URB1: variants seen among roughly 807,000 people sequenced by gnomAD.
URB1 encodes nucleolar pre-ribosomal-associated protein 1.
Under a neutral mutation model 242.3 loss-of-function variants are expected in URB1, and 197 were observed. The ratio of observed to expected loss-of-function variants is 0.81; its 90% confidence interval spans 0.72 to 0.91. The LOEUF is 0.91. Among genes scored for constraint, URB1 ranks in the 40% least tolerant of loss-of-function variants. The pLI is 0.00. For missense variants in URB1, 2,721 were observed against 2,860.5 expected, an observed-to-expected ratio of 0.95 and a Z score of 1.11; for synonymous variants, 1,153 against 1,201.8, an observed-to-expected ratio of 0.96 and a Z score of 0.84.
At chr21:32,350,154 T>C (rs1471877093) in intron 20 of URB1, among the ~76,000 whole-genome samples, 3 of 131,766 alleles carry the variant, frequency 2.3e-5, no homozygotes, top group Admixed American at 1.5e-4. Context: ...GAGGGAGGGC[T>C]GGGTGCGGTG....
intron 37 of URB1, 61 bp from the exon 38 acceptor site, chr21:32,317,126 G>T: frequency 6.9e-7 from 1 of 1,454,300 alleles, no homozygotes; most frequent in Non-Finnish European, 9.0e-7. Context: ...CACAGATCCA[G>T]ATGTGGGGAG....
chr21:32,322,515 G>A lies in URB1; in HGVS notation c.5303C>T (p.Pro1768Leu), dbSNP rs2032779726. 6.4e-7 allele frequency: 1 copy of A among 1,552,206 alleles called. No individual in the cohort carries two copies. The highest frequency in any genetic ancestry group is 1.4e-5 in the African/African-American group (1 of 73,056). The change falls in exon 33 of 39, where the codon CCA becomes CTA. Residue 1768 changes from proline (P) to leucine (L), a missense_variant. Coordinates refer to ENST00000382751, the MANE Select transcript of URB1 (RefSeq NM_014825.3). Reference protein sequence around the residue: ...SHEYLNMDKVPGFYQFFYSSD... With the variant: ...SHEYLNMDKVLGFYQFFYSSD... ...GCTGTAGAAGAACTGGTAGAAGCCT[G>A]GCACTTTGTCCATGTTCAAGTACTC...
intron 30 of URB1, among the ~76,000 whole-genome samples, chr21:32,328,658 C>T (rs945186169): frequency 4.6e-5 from 7 of 152,090 alleles, no homozygotes; most frequent in African/African-American, 1.7e-4. Flanking sequence ...CTAAAAGCAG[C>T]TAATACTCAG....
At chr21:32,381,701 G>A (rs2033528971) in intron 4 of URB1, among the ~76,000 whole-genome samples, 1 of 152,240 alleles carries the variant, frequency 6.6e-6, no homozygotes, top group Non-Finnish European at 1.5e-5. Flanking sequence ...TAATGGCACT[G>A]TGGTTTCTGT....
At chr21:32,377,236 G>A (rs768317137) in intron 5 of URB1, 2 of 518,996 alleles carry the variant, frequency 3.9e-6, no homozygotes, top group Non-Finnish European at 7.7e-6. Flanking sequence ...CAGAGGCCAG[G>A]CAATGGTTCA....
rs2033373537 is a variant in URB1, at chr21:32,368,729, C to T, written c.1002-131G>A. Reference sequence around the variant, plus strand: ...CAATAACAACGTAGGGAATTTCCCCCAGGACGTAAAGTGGGGGTTCCGTGG... The same window carrying T: ...CAATAACAACGTAGGGAATTTCCCCTAGGACGTAAAGTGGGGGTTCCGTGG... On this transcript the variant is annotated intron_variant, in intron 8 of 38. Coordinates refer to ENST00000382751, the MANE Select transcript of URB1 (RefSeq NM_014825.3). 9 of 798,692 alleles carry T rather than the reference C, an allele frequency of 1.1e-5. No individual in the cohort carries two copies. The East Asian group carries it at 2.2e-4, about 20-fold the overall frequency. 49.5% of individuals were successfully genotyped at this position (798,692 alleles called of 1,614,324 possible). A position where few individuals can be genotyped will look rare whatever the true frequency, so the allele number is the denominator to read the frequency against.
chr21:32,316,830 T>C lies in URB1; in HGVS notation c.6270A>G (p.Pro2090=). ...VDSASPESDA[P]GPVYAAASLA... Reference sequence around the variant, plus strand: ...GGGAAGCGGCAGCATATACGGGGCCTGGCGCATCGCTCTCGGGGCTGGCTG... The same window carrying C: ...GGGAAGCGGCAGCATATACGGGGCCCGGCGCATCGCTCTCGGGGCTGGCTG... The change falls in exon 38 of 39, where the codon CCA becomes CCG. Residue 2090 remains proline, a synonymous_variant. Transcript: ENST00000382751. 6.5e-7 allele frequency: 1 copy of C among 1,547,870 alleles called. No individual in the cohort carries two copies. Among genetic ancestry groups the C allele is most frequent in the African/African-American group, 1.4e-5 (1 of 73,058 alleles).
chr21:32,317,809 G>C lies in URB1; in HGVS notation c.5901C>G (p.Thr1967=), dbSNP rs546364393. ...IQAFRDMNRF[T]VNETVLSTKD... is the part of the protein sequence containing the mutation. ...TGGTGGAAAGCACTGTCTCATTTAC[G>C]GTGAATCTGTTCATGTCCCTAAAGG... The change falls in exon 37 of 39, where the codon ACC becomes ACG. Residue 1967 remains threonine, a synonymous_variant. Transcript: ENST00000382751. 5 of 1,551,818 alleles carry C rather than the reference G, an allele frequency of 3.2e-6. No individual in the cohort carries two copies. The highest frequency in any genetic ancestry group is 2.0e-5 in the Admixed American group (1 of 50,988).
At chr21:32,374,529 A>G (rs1209003479) in intron 6 of URB1, among the ~76,000 whole-genome samples, 3 of 152,250 alleles carry the variant, frequency 2.0e-5, no homozygotes, top group African/African-American at 4.8e-5. Context: ...TCAAGAAAGT[A>G]TCTGATTCAA....
At chr21:32,382,744 C>T (rs2033540431) in intron 4 of URB1, among the ~76,000 whole-genome samples, 1 of 152,110 alleles carries the variant, frequency 6.6e-6, no homozygotes, top group Non-Finnish European at 1.5e-5. Context: ...GACAGACAAC[C>T]TGGAGCCAGC....
At chr21:32,367,517 G>A (rs572948455) in intron 9 of URB1, among the ~76,000 whole-genome samples, 2 of 152,200 alleles carry the variant, frequency 1.3e-5, no homozygotes, top group African/African-American at 4.8e-5. Context: ...ACAATCCCAG[G>A]TATTTTACCA....
chr21:32,344,935 A>C (rs2033068968), intron 23 of URB1, among the ~76,000 whole-genome samples, 179 bp from the exon 24 acceptor site: 1 of 152,204 alleles, frequency 6.6e-6, no homozygotes, highest in African/African-American at 2.4e-5. Context: ...AGATATACCA[A>C]AATTTTTACA....
At chr21:32,352,606 G>T in intron 19 of URB1, 104 bp downstream of exon 19, 3 of 1,372,810 alleles carry the variant, frequency 2.2e-6, no homozygotes, top group Non-Finnish European at 2.0e-6. Flanking sequence ...ATTTCACCCT[G>T]CAGGCTGTCT....
chr21:32,348,865 T>C (rs77866814), intron 21 of URB1, among the ~76,000 whole-genome samples: 1,664 of 152,358 alleles, frequency 0.011, 16 homozygotes, highest in Middle Eastern at 0.027. Flanking sequence ...ACAGGTTACA[T>C]GGCAAACTGT....
intron 20 of URB1, among the ~76,000 whole-genome samples, chr21:32,350,188 T>C (rs1364579311): frequency 1.3e-5 from 2 of 150,780 alleles, no homozygotes; most frequent in Admixed American, 6.6e-5. Context: ...ATCCCAGCAC[T>C]GTGGGAGGCT....
In URB1 at chr21:32,344,597, T is replaced by C. The variant is rs1393668539; in HGVS notation, c.4230A>G (p.Glu1410=). ...DDDNTQNQEK[E]MLLRLNALLH... is the part of the protein sequence containing the mutation. ...ACAACGCATTTAATCTAAGCAGCAT[T>C]TCCTTCTCCTGATTCTGAGTATTAT... Residue 1410 remains glutamate, a synonymous_variant, in exon 24 of 39, where the codon GAA becomes GAG. Coordinates refer to ENST00000382751, the MANE Select transcript of URB1 (RefSeq NM_014825.3). The C allele has an allele frequency of 1.3e-6, 2 of 1,552,162 alleles. No individual in the cohort carries two copies. The highest frequency in any genetic ancestry group is 4.9e-5 in the East Asian group (2 of 40,930).
intron 4 of URB1, 90 bp from the exon 5 acceptor site, chr21:32,378,631 G>A (rs113937515): frequency 6.0e-5 from 61 of 1,019,140 alleles, no homozygotes; most frequent in Non-Finnish European, 7.0e-5. Flanking sequence ...CACCCCTCCC[G>A]TCTCAACATC....
intron 36 of URB1, 99 bp downstream of exon 36, chr21:32,319,118 C>T: frequency 2.4e-6 from 3 of 1,259,436 alleles, no homozygotes; most frequent in African/African-American, 1.5e-5. Context: ...CAGCGTCCCC[C>T]TGGTACAGAG....
chr21:32,334,438 C>G, intron 28 of URB1, 104 bp from the exon 29 acceptor site: 1 of 1,327,752 alleles, frequency 7.5e-7, no homozygotes, highest in Non-Finnish European at 1.0e-6. Context: ...CCAGTTCACA[C>G]CAGGTGCTGT....
Sources: allele counts gnomAD v4.1 joint callset (sites outside exome capture counted in the v4.1 genomes callset), GRCh38; gene constraint gnomAD v4.1.1; transcripts MANE v1.5; gene names NCBI Gene and HGNC (gene_info 2026-07-23, HGNC 2026-07-21).